ADAMTS12: variants seen among roughly 807,000 people sequenced by gnomAD.
ADAMTS12 encodes the protein A disintegrin and metalloproteinase with thrombospondin motifs 12.
A neutral mutation model predicts 167.8 loss-of-function variants in ADAMTS12; 118 were observed. That is an observed-to-expected ratio of 0.70 (90% CI 0.61 to 0.82). The LOEUF is 0.82. Ranked by LOEUF, ADAMTS12 falls within the 40% of genes least tolerant of loss-of-function variation. The pLI is 0.00. For missense variants in ADAMTS12, 1,916 were observed against 1,998.8 expected, an observed-to-expected ratio of 0.96 and a Z score of 0.79; for synonymous variants, 704 against 716.9, an observed-to-expected ratio of 0.98 and a Z score of 0.29.
Position 33,546,108 on chromosome 5 carries a change from G to C in ADAMTS12, c.4397C>G (p.Ser1466Cys). ...GTGACAGCACAGGTGCTCATTGCAAGACATGGTGGATGTGGGTCTTTTTGT... is the reference window on the plus strand; with the variant it reads ...GTGACAGCACAGGTGCTCATTGCAACACATGGTGGATGTGGGTCTTTTTGT... Reference protein sequence around the residue: ...DWTKRPTSTMSCNEHLCCHWA... With the variant: ...DWTKRPTSTMCCNEHLCCHWA... The change falls in exon 22 of 24, where the codon TCT becomes TGT. Residue 1466 changes from serine (S) to cysteine (C), a missense_variant. Coordinates refer to ENST00000504830, the MANE Select transcript of ADAMTS12 (RefSeq NM_030955.4). 6.2e-7 allele frequency: 1 copy of C among 1,613,836 alleles called. No individual in the cohort carries two copies.
intron 1 of ADAMTS12, among the ~76,000 whole-genome samples, chr5:33,883,329 T>TGG (rs1410838399): frequency 7.1e-5 from 4 of 56,550 alleles, no homozygotes; most frequent in African/African-American, 2.4e-4. Flanking sequence ...TTTTTTTTGT[T>TGG]TTTTTTTTTT....
chr5:33,857,089 G>A (rs535707033), intron 2 of ADAMTS12, among the ~76,000 whole-genome samples: 1 of 152,280 alleles, frequency 6.6e-6, no homozygotes, highest in South Asian at 2.1e-4. Context: ...CCTTTAAAAC[G>A]AAAGAAAACC....
chr5:33,844,058 G>A (rs957345071), intron 2 of ADAMTS12, among the ~76,000 whole-genome samples: 2 of 152,034 alleles, frequency 1.3e-5, no homozygotes, highest in Non-Finnish European at 2.9e-5. Flanking sequence ...AGATTTCATG[G>A]ACACTTATCA....
intron 2 of ADAMTS12, among the ~76,000 whole-genome samples, chr5:33,807,375 T>C (rs1747275879): frequency 6.6e-6 from 1 of 152,226 alleles, no homozygotes; most frequent in Non-Finnish European, 1.5e-5. Flanking sequence ...CAGACTCAGC[T>C]TGAACTTTTA....
rs535123710 is a variant in ADAMTS12 at position 33,570,182 on chromosome 5, A to G, written c.3972+5872T>C. 2.5e-4 allele frequency among the ~76,000 whole-genome samples: 38 copies of G among 152,352 alleles called. 1 individual carries two copies. The South Asian group carries it at 6.0e-3, about 24-fold the overall frequency. On this transcript the variant is annotated intron_variant, in intron 19 of 23. Transcript: ENST00000504830. Reference sequence around the variant, plus strand: ...GTTGGAAAACACTCTGCAGGATATTATCCAGGAGAACTTCCCCAATCTAGC... The same window carrying G: ...GTTGGAAAACACTCTGCAGGATATTGTCCAGGAGAACTTCCCCAATCTAGC...
intron 19 of ADAMTS12, among the ~76,000 whole-genome samples, chr5:33,563,053 T>C (rs937329110): frequency 1.3e-5 from 2 of 152,198 alleles, no homozygotes; most frequent in Non-Finnish European, 2.9e-5. Flanking sequence ...AAGTAGAAAT[T>C]ATTTTCTACT....
At chr5:33,828,890 C>T (rs114368856) in intron 2 of ADAMTS12, among the ~76,000 whole-genome samples, 115 of 152,224 alleles carry the variant, frequency 7.6e-4, no homozygotes, top group South Asian at 2.3e-3. Context: ...CATCCTCTTT[C>T]GCCCCTGTGT....
intron 19 of ADAMTS12, among the ~76,000 whole-genome samples, chr5:33,565,592 T>C (rs1256144249): frequency 6.6e-6 from 1 of 152,140 alleles, no homozygotes; most frequent in Non-Finnish European, 1.5e-5. Flanking sequence ...CTCTAGAATC[T>C]GAGCCAATAT....
At chr5:33,831,486 A>G (rs1319382485) in intron 2 of ADAMTS12, among the ~76,000 whole-genome samples, 1 of 152,228 alleles carries the variant, frequency 6.6e-6, no homozygotes, top group African/African-American at 2.4e-5. Context: ...TAGCCCAAAT[A>G]GTAGTCTGGC....
At chr5:33,727,170 T>A (rs544288188) in intron 3 of ADAMTS12, among the ~76,000 whole-genome samples, 1 of 152,018 alleles carries the variant, frequency 6.6e-6, no homozygotes, top group Non-Finnish European at 1.5e-5. Context: ...CAAGGCAGGG[T>A]TGGCCCAAGC....
chr5:33,757,203 T>C (rs145746542), intron 2 of ADAMTS12, among the ~76,000 whole-genome samples: 144 of 152,326 alleles, frequency 9.5e-4, no homozygotes, highest in African/African-American at 3.4e-3. Context: ...TTCACTATAA[T>C]GGTTTGGTTT....
Position 33,524,914 on chromosome 5 carries a change from C to T in ADAMTS12, c.*2274G>A, listed in dbSNP as rs922030518. ...CACATGTCTACCATCTTCTCCACCA[C>T]GTGGATTGTAAATAACGTGGTCCAT... On this transcript the variant is annotated 3_prime_UTR_variant, in exon 24 of 24. Transcript: ENST00000504830. The T allele has an allele frequency of 1.3e-5, 2 of 152,216 alleles. No individual in the cohort carries two copies. Among genetic ancestry groups the T allele is most frequent in the African/African-American group, 2.4e-5 (1 of 41,446 alleles). The allele number at this position is 152,216 out of a possible 1,614,324, so 9.4% of individuals were successfully genotyped here.
At chr5:33,866,308 T>C (rs992536021) in intron 2 of ADAMTS12, among the ~76,000 whole-genome samples, 1 of 152,128 alleles carries the variant, frequency 6.6e-6, no homozygotes, top group African/African-American at 2.4e-5. Flanking sequence ...AGCTCACTGA[T>C]CTTTGACAAA....
At chr5:33,830,755 G>A (rs890406490) in intron 2 of ADAMTS12, among the ~76,000 whole-genome samples, 7 of 152,036 alleles carry the variant, frequency 4.6e-5, no homozygotes, top group African/African-American at 9.7e-5. Flanking sequence ...TTACACCACC[G>A]CACTCCAGCC....
At chr5:33,539,101 C>G (rs749293569) in intron 22 of ADAMTS12, among the ~76,000 whole-genome samples, 15 of 152,092 alleles carry the variant, frequency 9.9e-5, no homozygotes, top group Non-Finnish European at 1.8e-4. Context: ...ACCACCATGC[C>G]TGACTAATTT....
intron 2 of ADAMTS12, among the ~76,000 whole-genome samples, chr5:33,803,365 G>C (rs1410262019): frequency 6.6e-6 from 1 of 152,132 alleles, no homozygotes; most frequent in African/African-American, 2.4e-5. Context: ...TTAAGTACAC[G>C]CTATACACAA....
At chr5:33,560,592 T>TA (rs1467320927) in intron 20 of ADAMTS12, among the ~76,000 whole-genome samples, 2 of 151,818 alleles carry the variant, frequency 1.3e-5, no homozygotes, top group Non-Finnish European at 2.9e-5. Context: ...TATGCAGCCA[T>TA]AAAAAATGAT....
chr5:33,559,285 C>G (rs1745626005), intron 20 of ADAMTS12, among the ~76,000 whole-genome samples: 1 of 152,144 alleles, frequency 6.6e-6, no homozygotes, highest in Non-Finnish European at 1.5e-5. Context: ...TACCAGGCTT[C>G]CTAGGGTTGA....
chr5:33,614,343 A>G lies in ADAMTS12; in HGVS notation c.2422T>C (p.Tyr808His). 6.2e-7 allele frequency: 1 copy of G among 1,614,100 alleles called. No homozygotes were observed. The highest frequency in any genetic ancestry group is 1.1e-5 in the South Asian group (1 of 91,082). Reference sequence around the variant, plus strand: ...CCATCTTTCTGGATTGTGTACTCATACTTGATGCCAGGGTTAGTCACCTGG... The same window carrying G: ...CCATCTTTCTGGATTGTGTACTCATGCTTGATGCCAGGGTTAGTCACCTGG... The part of the protein sequence containing the change: ...LFQVTNPGIK[Y>H]EYTIQKDGLD... Residue 808 changes from tyrosine (Y) to histidine (H), a missense_variant, in exon 16 of 24, where the codon TAT becomes CAT. Tyr to His is a moderately conservative substitution (Grantham distance 83). Transcript: ENST00000504830.
Sources: allele counts gnomAD v4.1 joint callset (sites outside exome capture counted in the v4.1 genomes callset), GRCh38; gene constraint gnomAD v4.1.1; transcripts MANE v1.5; gene names NCBI Gene and HGNC (gene_info 2026-07-23, HGNC 2026-07-21).